The following DCP1B variants were observed in gnomAD, a reference collection of about 807,000 sequenced individuals.
DCP1B encodes the protein decapping mRNA 1B.
Under a neutral mutation model 60.5 loss-of-function variants are expected in DCP1B, and 47 were observed. That is an observed-to-expected ratio of 0.78 (90% CI 0.61 to 0.99). DCP1B has a LOEUF of 0.99. Among genes scored for constraint, DCP1B ranks in the 50% least tolerant of loss-of-function variants. The probability of loss-of-function intolerance (pLI) is 0.00; values close to 1 mark genes in which losing one functional copy is unlikely to be tolerated. For missense variants in DCP1B, 725 were observed against 756.8 expected (o/e 0.96, Z 0.49); for synonymous variants, 267 against 280.3 (o/e 0.95, Z 0.47).
rs1357517540 is a variant in DCP1B at position 2,004,333 on chromosome 12, G to A, written c.99C>T (p.Asp33=). The A allele has an allele frequency of 6.2e-7, 1 of 1,613,418 alleles. No homozygotes were observed. Among genetic ancestry groups the A allele is most frequent in the Non-Finnish European group, 8.5e-7 (1 of 1,179,942 alleles). ...RHDPYINRIV[D]VASQVALYTF... ...TGTACAGAGCCACCTGGCTGGCCAC[G>A]TCCACGATGCGGTTGATATAGGGGT... The change falls in exon 1 of 9, where the codon GAC becomes GAT. Residue 33 remains aspartate, a synonymous_variant. Coordinates refer to ENST00000280665, the MANE Select transcript of DCP1B (RefSeq NM_152640.5).
At chr12:2,004,248 C>T in intron 1 of DCP1B, 34 bp downstream of exon 1, 5 of 1,611,454 alleles carry the variant, frequency 3.1e-6, no homozygotes, top group Non-Finnish European at 4.2e-6. Context: ...CACCCCAACC[C>T]TGGGCTGCAC....
At chr12:1,993,417 A>T in intron 2 of DCP1B, 26 bp from the exon 3 acceptor site, 1 of 1,603,236 alleles carries the variant, frequency 6.2e-7, no homozygotes, top group Non-Finnish European at 8.5e-7. Context: ...AGTCAGGGGG[A>T]AATCAATAGA....
chr12:1,958,753 G>A lies in DCP1B; in HGVS notation c.523-3193C>T, dbSNP rs545673541. 6.9e-4 allele frequency among the ~76,000 whole-genome samples: 94 copies of A among 136,768 alleles called. 2 individuals are homozygous for A. The South Asian group carries it at 0.02, about 29-fold the overall frequency. 89.7% of individuals were successfully genotyped at this position (136,768 alleles called of 152,430 possible). ...CAATGACTTTTTCTATAAACCTCCC[G>A]GAAGGAAACAGGGGAAAAGCTCCCC... On this transcript the variant is annotated intron_variant, in intron 5 of 8. Transcript: ENST00000280665.
chr12:1,948,359 G>A lies in DCP1B; in HGVS notation c.1773+727C>T, dbSNP rs74521633. Among the ~76,000 whole-genome samples, 137 of 152,324 alleles carry A rather than the reference G, an allele frequency of 9.0e-4. No individual in the cohort carries two copies. Among genetic ancestry groups the A allele is most frequent in the Non-Finnish European group, 1.7e-3 (116 of 68,036 alleles). ...CCAGCCCTGCTTATGTACGAGCTCC[G>A]TGCCTCAGGCCAGTTGCTCAGCCTC... is the stretch of plus-strand genomic sequence containing the variant. On this transcript the variant is annotated intron_variant, in intron 8 of 8. Transcript: ENST00000280665. The surrounding 1 kb of genome is among the most constrained non-coding windows in gnomAD (Gnocchi z 4.8).
chr12:1,972,586 A>AT (rs1258751821), intron 3 of DCP1B, among the ~76,000 whole-genome samples: 1 of 152,234 alleles, frequency 6.6e-6, no homozygotes, highest in Non-Finnish European at 1.5e-5. Context: ...TCTGTGGTCT[A>AT]ACAAGGTTAA....
chr12:1,980,414 T>C (rs919242442), intron 3 of DCP1B, among the ~76,000 whole-genome samples: 1 of 152,148 alleles, frequency 6.6e-6, no homozygotes, highest in Admixed American at 6.5e-5. Context: ...TTTGCTAATT[T>C]TTAAGTTGGC....
intron 1 of DCP1B, among the ~76,000 whole-genome samples, chr12:1,999,261 T>C (rs2041632581): frequency 6.6e-6 from 1 of 152,244 alleles, no homozygotes; most frequent in Admixed American, 6.5e-5. Flanking sequence ...ACATACTCTC[T>C]GCCCATGAAA....
chr12:1,959,449 AAAG>A (rs1565765476), intron 5 of DCP1B, among the ~76,000 whole-genome samples: 1 of 152,256 alleles, frequency 6.6e-6, no homozygotes, highest in Non-Finnish European at 1.5e-5. Context: ...ACATTTTTCA[AAAG>A]AAGACATACA....
At chr12:1,980,145 C>T (rs1218557305) in intron 3 of DCP1B, among the ~76,000 whole-genome samples, 1 of 152,116 alleles carries the variant, frequency 6.6e-6, no homozygotes, top group Non-Finnish European at 1.5e-5. Context: ...CATACATATC[C>T]ACCTAAAAAA....
At chr12:1,952,383 G>A (rs764819145) in intron 7 of DCP1B, 33 bp downstream of exon 7, 2 of 1,521,844 alleles carry the variant, frequency 1.3e-6, no homozygotes, top group Non-Finnish European at 1.8e-6. Context: ...ATGCTGCCCA[G>A]GCTGTTTTAT....
At chr12:1,986,171 G>A (rs570090573) in intron 3 of DCP1B, among the ~76,000 whole-genome samples, 1 of 152,280 alleles carries the variant, frequency 6.6e-6, no homozygotes, top group South Asian at 2.1e-4. Flanking sequence ...GTCTGAATTT[G>A]GAATAATGGT....
chr12:1,994,536 A>G (rs768151266), intron 2 of DCP1B, among the ~76,000 whole-genome samples: 1 of 152,202 alleles, frequency 6.6e-6, no homozygotes, highest in Non-Finnish European at 1.5e-5. Flanking sequence ...CATGATCATC[A>G]CTTCAACTTA....
chr12:1,955,674 T>C, intron 5 of DCP1B, 114 bp from the exon 6 acceptor site: 7 of 1,209,186 alleles, frequency 5.8e-6, no homozygotes, highest in Non-Finnish European at 7.9e-6. Context: ...TTTGATAGAT[T>C]TTCATGCACA....
chr12:1,993,486 T>C lies in DCP1B; in HGVS notation c.192-95A>G, dbSNP rs994722533. 25 of 1,473,424 alleles carry C rather than the reference T, an allele frequency of 1.7e-5. 1 individual carries two copies. The South Asian group carries it at 3.1e-4, about 18-fold the overall frequency. 91.3% of individuals were successfully genotyped at this position (1,473,424 alleles called of 1,614,324 possible). On this transcript the variant is annotated intron_variant, in intron 2 of 8. Transcript: ENST00000280665. ...GTACATTCTGATGTGTCTCTCAACC[T>C]TTGTTTGTATATGCAGCTTTATATA...
intron 5 of DCP1B, 26 bp from the exon 6 acceptor site, chr12:1,955,586 AT>A: frequency 6.3e-7 from 1 of 1,599,614 alleles, no homozygotes; most frequent in Non-Finnish European, 8.5e-7. Context: ...AAATCCCCTC[AT>A]TTTTGGCTTA....
chr12:1,954,976 G>C (rs562434397), intron 6 of DCP1B, among the ~76,000 whole-genome samples: 1 of 152,156 alleles, frequency 6.6e-6, no homozygotes, highest in Non-Finnish European at 1.5e-5. Flanking sequence ...GGATCCTCCC[G>C]CCTCAGCCTC....
chr12:1,984,374 A>G (rs1167139471), intron 3 of DCP1B, among the ~76,000 whole-genome samples: 1 of 151,750 alleles, frequency 6.6e-6, no homozygotes, highest in Non-Finnish European at 1.5e-5. Flanking sequence ...TCTCTTGGTG[A>G]TATCTCTATA....
At chr12:1,949,361 G>C (rs778387474) in intron 7 of DCP1B, 27 bp from the exon 8 acceptor site, 1 of 1,608,000 alleles carries the variant, frequency 6.2e-7, no homozygotes, top group Non-Finnish European at 8.5e-7. Flanking sequence ...CACACAGAGA[G>C]CGGGGTTCAG....
intron 3 of DCP1B, chr12:1,991,195 T>A: frequency 2.2e-6 from 1 of 456,212 alleles, no homozygotes; most frequent in South Asian, 1.5e-5. Flanking sequence ...GAAATCAGAA[T>A]CTGTGGGTTT....
Sources: allele counts gnomAD v4.1 joint callset (sites outside exome capture counted in the v4.1 genomes callset), GRCh38; gene constraint gnomAD v4.1.1; non-coding constraint Gnocchi (gnomAD v3.1); transcripts MANE v1.5; gene names NCBI Gene and HGNC (gene_info 2026-07-23, HGNC 2026-07-21).